The following INPP4B variants were observed in gnomAD, a reference collection of about 807,000 sequenced individuals.
The protein encoded by INPP4B is inositol polyphosphate 4-phosphatase type II.
In INPP4B, 55 loss-of-function variants were observed where a neutral mutation model predicts 122.5. That is an observed-to-expected ratio of 0.45 (90% CI 0.36 to 0.56). INPP4B has a LOEUF of 0.56. Ranked by LOEUF, INPP4B falls within the 20% of genes least tolerant of loss-of-function variation. The pLI, the probability that INPP4B is intolerant of heterozygous loss-of-function variation, is 0.00. For synonymous variants in INPP4B, 403 were observed against 388.7 expected (o/e 1.04, Z -0.43); for missense variants, 1,000 against 1,097.7 (o/e 0.91, Z 1.26).
chr4:142,051,397 T>C (rs1418866508), intron 25 of INPP4B, among the ~76,000 whole-genome samples: 1 of 151,994 alleles, frequency 6.6e-6, no homozygotes, highest in African/African-American at 2.4e-5. Context: ...TTAAGTTCTT[T>C]TATGGTAGAG....
At chr4:142,834,504 G>A (rs753139704) in intron 1 of INPP4B, among the ~76,000 whole-genome samples, 32 of 152,250 alleles carry the variant, frequency 2.1e-4, no homozygotes, top group Middle Eastern at 6.8e-3. Context: ...CAAGATGCTG[G>A]TCATCCTAAA....
intron 1 of INPP4B, among the ~76,000 whole-genome samples, chr4:142,752,368 G>A (rs1769862861): frequency 6.6e-6 from 1 of 152,020 alleles, no homozygotes; most frequent in African/African-American, 2.4e-5. Context: ...ATTGCCACAC[G>A]GGTCTTCAGT....
At chr4:142,193,017 T>A in intron 15 of INPP4B, 70 bp downstream of exon 15, 3 of 886,116 alleles carry the variant, frequency 3.4e-6, no homozygotes, top group Non-Finnish European at 5.7e-6. Flanking sequence ...ACCAATCACC[T>A]TGTATATAGA....
Position 142,036,428 on chromosome 4 carries a change from G to A in INPP4B, c.2643-7514C>T, listed in dbSNP as rs1744003695. ...CACAATTTATCAACATAATAGTAGA[G>A]AAATACACTTTCTCAGTGGAGCCAC... On this transcript the variant is annotated intron_variant, in intron 25 of 25. Transcript: ENST00000262992. Among the ~76,000 whole-genome samples the A allele has an allele frequency of 2.0e-5, 3 of 152,144 alleles. No individual in the cohort carries two copies. The South Asian group carries it at 6.2e-4, about 32-fold the overall frequency.
At chr4:142,152,170 T>C (rs1176926006) in intron 17 of INPP4B, among the ~76,000 whole-genome samples, 5 of 143,984 alleles carry the variant, frequency 3.5e-5, no homozygotes, top group Non-Finnish European at 7.5e-5. Flanking sequence ...GCCTCCCGGG[T>C]TCATGCCATT....
chr4:142,802,178 C>A (rs1778087352), intron 1 of INPP4B, among the ~76,000 whole-genome samples: 1 of 152,086 alleles, frequency 6.6e-6, no homozygotes, highest in African/African-American at 2.4e-5. Flanking sequence ...CTCTTCCTGC[C>A]CCAACAGGTT....
intron 8 of INPP4B, among the ~76,000 whole-genome samples, chr4:142,309,193 A>G (rs1764512434): frequency 6.6e-6 from 1 of 152,348 alleles, no homozygotes; most frequent in East Asian, 1.9e-4. Flanking sequence ...CAGAAGTCAG[A>G]TGCCTTAAAA....
chr4:142,655,237 T>C (rs990483116), intron 2 of INPP4B, among the ~76,000 whole-genome samples: 1 of 152,246 alleles, frequency 6.6e-6, no homozygotes, highest in African/African-American at 2.4e-5. Flanking sequence ...GAAAATCATC[T>C]CACCTGGTGG....
intron 7 of INPP4B, among the ~76,000 whole-genome samples, chr4:142,372,481 T>G (rs60479909): frequency 0.17 from 26,180 of 152,030 alleles, 2,947 homozygotes; most frequent in African/African-American, 0.32. Context: ...ACACATTCTA[T>G]GCCTGTATCA....
intron 2 of INPP4B, among the ~76,000 whole-genome samples, chr4:142,608,232 C>A (rs762575673): frequency 1.3e-5 from 2 of 152,032 alleles, no homozygotes; most frequent in Non-Finnish European, 2.9e-5. Flanking sequence ...AGTTTTCTGG[C>A]AGAATTACCA....
chr4:142,839,803 G>A (rs1221293563), intron 1 of INPP4B, among the ~76,000 whole-genome samples: 4 of 152,076 alleles, frequency 2.6e-5, no homozygotes, highest in Non-Finnish European at 5.9e-5. Context: ...CCTTTGAAAT[G>A]TTACATAATA....
chr4:142,034,482 TCTC>T (rs1742564226), intron 25 of INPP4B, among the ~76,000 whole-genome samples: 1 of 151,900 alleles, frequency 6.6e-6, no homozygotes, highest in Admixed American at 6.6e-5. Flanking sequence ...TCTTTCCACA[TCTC>T]CTGTCTCCAT....
intron 5 of INPP4B, among the ~76,000 whole-genome samples, chr4:142,411,979 T>C (rs560919493): frequency 3.9e-5 from 6 of 152,294 alleles, no homozygotes; most frequent in Middle Eastern, 3.4e-3. Flanking sequence ...TCTCACATCA[T>C]TTCCCTAAGG....
At chr4:142,623,310 C>A (rs781527497) in intron 2 of INPP4B, among the ~76,000 whole-genome samples, 8 of 151,922 alleles carry the variant, frequency 5.3e-5, no homozygotes, top group Non-Finnish European at 1.2e-4. Flanking sequence ...CCACTCCTAC[C>A]TTCTTTGCCT....
At chr4:142,551,051 A>C (rs1174363362) in intron 2 of INPP4B, among the ~76,000 whole-genome samples, 1 of 152,192 alleles carries the variant, frequency 6.6e-6, no homozygotes, top group Non-Finnish European at 1.5e-5. Context: ...AGGAATCGTA[A>C]AGAGTCATGG....
chr4:142,154,639 A>G (rs1165424524), intron 17 of INPP4B, among the ~76,000 whole-genome samples: 3 of 152,164 alleles, frequency 2.0e-5, no homozygotes, highest in African/African-American at 7.2e-5. Context: ...GAAGGGGAGA[A>G]ACAAAATCCT....
intron 8 of INPP4B, among the ~76,000 whole-genome samples, chr4:142,310,129 T>G (rs1764921805): frequency 6.6e-6 from 1 of 152,220 alleles, no homozygotes; most frequent in African/African-American, 2.4e-5. Flanking sequence ...GCACAGGTTT[T>G]TTTTTTTTTA....
rs1010150115 is a variant in INPP4B, at chr4:142,173,556, G to A, written c.1359+76C>T. The A allele has an allele frequency of 1.1e-5, 13 of 1,211,620 alleles. No homozygotes were observed. In the African/African-American group the frequency reaches 1.7e-4, roughly 16 times the overall value. 75.1% of individuals were successfully genotyped at this position (1,211,620 alleles called of 1,614,324 possible). A position where few individuals can be genotyped will look rare whatever the true frequency, so the allele number is the denominator to read the frequency against. Reference sequence around the variant, plus strand: ...TACATTTCCAGATGCTATGAATGGCGATGTATGCAGAAAGCCAGACCAATG... The same window carrying A: ...TACATTTCCAGATGCTATGAATGGCAATGTATGCAGAAAGCCAGACCAATG... On this transcript the variant is annotated intron_variant, in intron 16 of 25. Transcript: ENST00000262992.
intron 7 of INPP4B, among the ~76,000 whole-genome samples, chr4:142,366,906 G>T (rs74991330): frequency 2.6e-5 from 4 of 152,090 alleles, no homozygotes; most frequent in Non-Finnish European, 5.9e-5. Flanking sequence ...AGCTGAAGAG[G>T]ATTAAAGGAA....
Sources: allele counts gnomAD v4.1 joint callset (sites outside exome capture counted in the v4.1 genomes callset), GRCh38; gene constraint gnomAD v4.1.1; transcripts MANE v1.5; gene names NCBI Gene and HGNC (gene_info 2026-07-23, HGNC 2026-07-21).